Variants in TJP1 observed in about 807,000 individuals in gnomAD.
TJP1 encodes tight junction protein 1.
Under a neutral mutation model 194.2 loss-of-function variants are expected in TJP1, and 43 were observed. The ratio of observed to expected loss-of-function variants is 0.22; its 90% CI spans 0.17 to 0.29. The LOEUF is 0.29. Among genes scored for constraint, TJP1 ranks in the 10% least tolerant of loss-of-function variants. The pLI is 1.00. For synonymous variants in TJP1, 801 were observed against 779.0 expected, an observed-to-expected ratio of 1.03 and a Z score of -0.47; for missense variants, 1,971 against 2,185.7, an observed-to-expected ratio of 0.90 and a Z score of 1.96.
At chr15:29,814,331 G>A (rs1366542845) in intron 1 of TJP1, among the ~76,000 whole-genome samples, 4 of 152,194 alleles carry the variant, frequency 2.6e-5, no homozygotes, top group African/African-American at 7.2e-5. Flanking sequence ...TTCACAAAGT[G>A]ATCATTACAG....
chr15:29,772,625 T>C (rs1490645180), intron 3 of TJP1, among the ~76,000 whole-genome samples: 1 of 152,158 alleles, frequency 6.6e-6, no homozygotes, highest in African/African-American at 2.4e-5. Context: ...ATAAAAAGGG[T>C]GGCAAGACTT....
At chr15:29,899,412 A>T (rs1057127647) in intron 2 of TJP1, among the ~76,000 whole-genome samples, 1 of 152,156 alleles carries the variant, frequency 6.6e-6, no homozygotes, top group Non-Finnish European at 1.5e-5. Flanking sequence ...ATCATATGTT[A>T]TCCTCCAATT....
chr15:29,735,721 T>C (rs552441740), intron 11 of TJP1, among the ~76,000 whole-genome samples: 1 of 152,270 alleles, frequency 6.6e-6, no homozygotes, highest in South Asian at 2.1e-4. Flanking sequence ...TTATACATGT[T>C]GTATTTAAAT....
At chr15:29,949,469 ACCACCTCCACAACCACCACCT>A (rs1567225010) in intron 2 of TJP1, among the ~76,000 whole-genome samples, 11 of 31,758 alleles carry the variant, frequency 3.5e-4, no homozygotes, top group East Asian at 1.8e-3. Flanking sequence ...TTCCACCACC[ACCACCTCCACAACCACCACCT>A]CCACCTCCAC....
chr15:29,749,036 C>A (rs1007488545), intron 8 of TJP1, among the ~76,000 whole-genome samples: 1 of 151,846 alleles, frequency 6.6e-6, no homozygotes, highest in Non-Finnish European at 1.5e-5. Flanking sequence ...TTCATGTTTA[C>A]GTATTCCAGC....
chr15:29,722,749 T>C (rs2043010251), intron 18 of TJP1, among the ~76,000 whole-genome samples: 1 of 152,114 alleles, frequency 6.6e-6, no homozygotes, highest in Non-Finnish European at 1.5e-5. Context: ...AGGCACACAA[T>C]GCCAGTCCAT....
intron 2 of TJP1, among the ~76,000 whole-genome samples, chr15:29,912,168 C>T (rs2054035812): frequency 6.6e-6 from 1 of 152,158 alleles, no homozygotes; most frequent in African/African-American, 2.4e-5. Flanking sequence ...GGCACTGGTC[C>T]CCTTCTTCAT....
chr15:29,783,242 C>T (rs2047486074), intron 2 of TJP1, among the ~76,000 whole-genome samples: 1 of 152,070 alleles, frequency 6.6e-6, no homozygotes, highest in African/African-American at 2.4e-5. Flanking sequence ...CCACTGCACT[C>T]CAGCCTGGGC....
chr15:29,786,777 C>T (rs1446814660), intron 2 of TJP1, among the ~76,000 whole-genome samples: 1 of 152,182 alleles, frequency 6.6e-6, no homozygotes, highest in African/African-American at 2.4e-5. Flanking sequence ...ACTGGAATTA[C>T]AGGTGTGAGC....
rs1466727743 is a variant in TJP1, at chr15:29,720,021, G to C, written c.2764-5C>G. The C allele has an allele frequency of 6.3e-7, 1 of 1,595,336 alleles. No individual in the cohort carries two copies. Among genetic ancestry groups the C allele is most frequent in the South Asian group, 1.1e-5 (1 of 87,258 alleles). On this transcript the variant is annotated splice_polypyrimidine_tract_variant and splice_region_variant and intron_variant, in intron 19 of 27. Transcript: ENST00000614355. ...TGGAGATGAAGCTTCTGCTTTCTGT[G>C]AAGTGTTTAAAATATTTTAAATATA...
chr15:29,855,243 T>G (rs1424153436), intron 2 of TJP1, among the ~76,000 whole-genome samples: 1 of 152,214 alleles, frequency 6.6e-6, no homozygotes, highest in Non-Finnish European at 1.5e-5. Context: ...GGGACCTGCT[T>G]GGTTGTTGGG....
At chr15:29,836,564 C>A (rs1400232825) in intron 2 of TJP1, among the ~76,000 whole-genome samples, 1 of 152,090 alleles carries the variant, frequency 6.6e-6, no homozygotes, top group Non-Finnish European at 1.5e-5. Flanking sequence ...GCCACTGCGC[C>A]CAGCCGGGAT....
rs61364565 is a variant in TJP1, at chr15:29,748,564, CTTTTTTTTT to C, written c.1011-5792_1011-5784del. Among the ~76,000 whole-genome samples, 511 of 73,402 alleles carry C rather than the reference CTTTTTTTTT, an allele frequency of 7.0e-3. 14 individuals are homozygous for C. In the East Asian group the frequency reaches 0.12, roughly 17 times the overall value. 48.2% of individuals were successfully genotyped at this position (73,402 alleles called of 152,430 possible). On this transcript the variant is annotated intron_variant, in intron 8 of 27. Coordinates refer to ENST00000614355, the MANE Select transcript of TJP1 (RefSeq NM_001330239.4). The stretch of plus-strand genomic sequence containing the variant: ...ACATTTTTCCCAAACCTTCCTAATT[CTTTTTTTTT>C]TTTTTTTTTTTTTTTTTTTGAGTCA...
At chr15:29,923,731 T>C (rs1271048556) in intron 2 of TJP1, among the ~76,000 whole-genome samples, 1 of 152,168 alleles carries the variant, frequency 6.6e-6, no homozygotes, top group Non-Finnish European at 1.5e-5. Flanking sequence ...ACTCTATGCA[T>C]GTAGTAGTAT....
chr15:29,935,160 A>C (rs1265472934), intron 2 of TJP1, among the ~76,000 whole-genome samples: 1 of 152,222 alleles, frequency 6.6e-6, no homozygotes, highest in Non-Finnish European at 1.5e-5. Flanking sequence ...ACACTTGTAG[A>C]TCTCCTAGGT....
At chr15:29,959,638 C>T (rs933594824) in intron 1 of TJP1, among the ~76,000 whole-genome samples, 1 of 152,136 alleles carries the variant, frequency 6.6e-6, no homozygotes, top group Admixed American at 6.5e-5. Context: ...CCCAGTGCTC[C>T]GGACAACTGT....
chr15:29,726,573 A>G, intron 17 of TJP1, 94 bp from the exon 18 acceptor site: 1 of 1,306,908 alleles, frequency 7.7e-7, no homozygotes, highest in Non-Finnish European at 1.1e-6. Context: ...GTCATTACTG[A>G]AAGATGGTAT....
At chr15:29,790,340 A>G (rs1054018981) in intron 2 of TJP1, among the ~76,000 whole-genome samples, 3 of 152,206 alleles carry the variant, frequency 2.0e-5, no homozygotes, top group Non-Finnish European at 4.4e-5. Flanking sequence ...ATGCTTTGGC[A>G]TAACTCAGCT....
chr15:29,871,694 C>T (rs1383670135), intron 2 of TJP1, among the ~76,000 whole-genome samples: 1 of 152,220 alleles, frequency 6.6e-6, no homozygotes, highest in Non-Finnish European at 1.5e-5. Flanking sequence ...TGGGCATTCC[C>T]GTGAGTCCAG....
Sources: gnomAD v4.1 joint callset for allele counts (sites outside exome capture counted in the v4.1 genomes callset) on GRCh38, gnomAD v4.1.1 for gene constraint, MANE v1.5 for transcripts, NCBI Gene and HGNC (gene_info 2026-07-23, HGNC 2026-07-21) for gene names.